DSC3: variants seen among roughly 807,000 people sequenced by gnomAD.
DSC3 encodes the protein desmocollin-3.
In DSC3, 97 loss-of-function variants were observed where a neutral mutation model predicts 89.5. The observed-to-expected ratio is 1.08, with a 90% CI of 0.92 to 1.28. The LOEUF is 1.28. DSC3 is among the 50% of genes most tolerant of loss of function. The probability of loss-of-function intolerance (pLI) is 0.00; values close to 1 mark genes in which losing one functional copy is unlikely to be tolerated. For synonymous variants in DSC3, 436 were observed against 384.1 expected (o/e 1.14, Z -1.58); for missense variants, 1,199 against 1,085.3 (o/e 1.10, Z -1.47).
At chr18:31,033,948 G>T (rs1985887127) in intron 1 of DSC3, among the ~76,000 whole-genome samples, 3 of 151,942 alleles carry the variant, frequency 2.0e-5, no homozygotes, top group South Asian at 4.2e-4. Context: ...CTCAGCCTCC[G>T]GAGTAGCTGG....
intron 9 of DSC3, among the ~76,000 whole-genome samples, chr18:31,013,598 G>A (rs1985140840): frequency 6.6e-6 from 1 of 152,134 alleles, no homozygotes; most frequent in African/African-American, 2.4e-5. Flanking sequence ...GATAAGAAGA[G>A]CAAAACATAG....
At chr18:31,022,067 C>T (rs961090979) in intron 7 of DSC3, among the ~76,000 whole-genome samples, 5 of 151,936 alleles carry the variant, frequency 3.3e-5, no homozygotes, top group African/African-American at 1.2e-4. Context: ...AACCAACTAG[C>T]CACACATAAG....
chr18:31,004,461 A>C, intron 12 of DSC3, 95 bp from the exon 13 acceptor site: 7 of 1,082,156 alleles, frequency 6.5e-6, no homozygotes, highest in African/African-American at 1.6e-5. Context: ...CGTCATTCTC[A>C]AGGAACTGCC....
intron 15 of DSC3, among the ~76,000 whole-genome samples, chr18:30,995,115 C>A (rs912488485): frequency 6.6e-6 from 1 of 152,144 alleles, no homozygotes; most frequent in Non-Finnish European, 1.5e-5. Flanking sequence ...CCACATCTAC[C>A]CTCTCTGCCA....
intron 13 of DSC3, 120 bp from the exon 14 acceptor site, chr18:31,001,859 C>T (rs1984675643): frequency 1.3e-6 from 1 of 786,696 alleles, no homozygotes; most frequent in Non-Finnish European, 1.9e-6. Flanking sequence ...GCATGGTTTC[C>T]CATGAATTAT....
chr18:31,011,723 T>C (rs911197992), intron 9 of DSC3, among the ~76,000 whole-genome samples: 3 of 151,988 alleles, frequency 2.0e-5, no homozygotes, highest in Admixed American at 6.6e-5. Flanking sequence ...CCAGGCACGG[T>C]GGCTCACGTC....
At chr18:31,038,087 C>G (rs986152495) in intron 1 of DSC3, among the ~76,000 whole-genome samples, 7 of 152,126 alleles carry the variant, frequency 4.6e-5, no homozygotes, top group African/African-American at 1.7e-4. Context: ...TCCTGATAAG[C>G]CTTACAAGAA....
rs1984173656 is a variant in DSC3, at chr18:30,989,902, T to A, written c.*4273A>T. 6.7e-6 allele frequency: 1 copy of A among 148,542 alleles called. No individual in the cohort carries two copies. The highest frequency in any genetic ancestry group is 1.5e-5 in the Non-Finnish European group (1 of 67,556). The allele number at this position is 148,542 out of a possible 1,614,324, so 9.2% of individuals were successfully genotyped here. On this transcript the variant is annotated 3_prime_UTR_variant, in exon 16 of 16. Transcript: ENST00000360428. ...TTTACCTATGTAACAAACCTGCACA[T>A]CCTGCACGTGTATCCTGGAACTTAA...
chr18:31,013,424 AC>A (rs1380305991), intron 9 of DSC3, among the ~76,000 whole-genome samples: 1 of 152,140 alleles, frequency 6.6e-6, no homozygotes, highest in Non-Finnish European at 1.5e-5. Context: ...AAATCTCACA[AC>A]CACAGAAGCC....
rs555160159 is a variant in DSC3 at position 31,041,827 on chromosome 18, G to T, written c.69+765C>A. ...TGCTCCGGCCGCGCAGTCCTCCCCGGAGCCGGAGTAAGTACGACGCAACCC... is the reference window on the plus strand; with the variant it reads ...TGCTCCGGCCGCGCAGTCCTCCCCGTAGCCGGAGTAAGTACGACGCAACCC... On this transcript the variant is annotated intron_variant, in intron 1 of 15. Transcript: ENST00000360428. Among the ~76,000 whole-genome samples the T allele has an allele frequency of 3.3e-5, 5 of 152,152 alleles. No homozygotes were observed. In the South Asian group the frequency reaches 1.0e-3, roughly 32 times the overall value.
At chr18:31,015,354 A>C (rs2144704285) in intron 9 of DSC3, among the ~76,000 whole-genome samples, 1 of 152,320 alleles carries the variant, frequency 6.6e-6, no homozygotes, top group Admixed American at 6.5e-5. Context: ...GAAATATTCT[A>C]TGATATAGGT....
chr18:31,002,081 T>C (rs913087087), intron 13 of DSC3, among the ~76,000 whole-genome samples: 1 of 152,132 alleles, frequency 6.6e-6, no homozygotes, highest in Non-Finnish European at 1.5e-5. Context: ...CTAAAAATAA[T>C]TTTCCTACAT....
rs985891390 is a variant in DSC3 at position 30,994,244 on chromosome 18, ATCT to A, written c.2619_2621del (p.Glu873del). On this transcript the variant is annotated inframe_deletion, in exon 16 of 16. Coordinates refer to ENST00000360428, the MANE Select transcript of DSC3 (RefSeq NM_001941.5). The stretch of plus-strand genomic sequence containing the variant: ...CCAAATTATTTAAAAAGTCAAGGCC[ATCT>A]TCTTCCTGCTTTTCACTGCAGCAGC... 4.3e-6 allele frequency: 7 copies of A among 1,613,978 alleles called. No individual in the cohort carries two copies. The Admixed American group carries it at 8.3e-5, about 19-fold the overall frequency.
At chr18:31,032,780 G>A (rs942517294) in intron 1 of DSC3, among the ~76,000 whole-genome samples, 10 of 152,174 alleles carry the variant, frequency 6.6e-5, no homozygotes, top group Middle Eastern at 6.8e-3. Context: ...ATTTTTAGTA[G>A]GGATGGGGTT....
intron 14 of DSC3, among the ~76,000 whole-genome samples, chr18:30,999,148 C>A (rs1027603560): frequency 6.6e-6 from 1 of 152,150 alleles, no homozygotes; most frequent in African/African-American, 2.4e-5. Context: ...GTTTTCATTA[C>A]AAACAGTTAC....
At chr18:31,004,996 A>G (rs1984791519) in intron 12 of DSC3, among the ~76,000 whole-genome samples, 1 of 152,182 alleles carries the variant, frequency 6.6e-6, no homozygotes. Context: ...TTGTCAACTA[A>G]CCAAAAGCTC....
chr18:30,999,169 G>A (rs1468090002), intron 14 of DSC3, among the ~76,000 whole-genome samples: 2 of 152,020 alleles, frequency 1.3e-5, no homozygotes, highest in African/African-American at 4.8e-5. Context: ...ATTACTTTCA[G>A]GACAAGAACC....
chr18:30,998,931 G>A (rs1029895420), intron 14 of DSC3, among the ~76,000 whole-genome samples: 2 of 150,832 alleles, frequency 1.3e-5, no homozygotes, highest in Non-Finnish European at 2.9e-5. Context: ...GAGTATTATA[G>A]AGAAATCAAA....
chr18:30,994,235 G>T lies in DSC3; in HGVS notation c.2631C>A (p.Asp877Glu). Residue 877 changes from aspartate to glutamate, a missense_variant, in exon 16 of 16, where the codon GAC becomes GAA. Asp to Glu is a conservative substitution (Grantham distance 45). Coordinates refer to ENST00000360428, the MANE Select transcript of DSC3 (RefSeq NM_001941.5). ...CSEKQEEDGLDFLNNLEPKFI... is the reference protein window; with the variant it reads ...CSEKQEEDGLEFLNNLEPKFI... Reference sequence around the variant, plus strand: ...ATTTGGGTTCCAAATTATTTAAAAAGTCAAGGCCATCTTCTTCCTGCTTTT... The same window carrying T: ...ATTTGGGTTCCAAATTATTTAAAAATTCAAGGCCATCTTCTTCCTGCTTTT... The T allele has an allele frequency of 1.2e-6, 2 of 1,614,050 alleles. No homozygotes were observed. Among genetic ancestry groups the T allele is most frequent in the Non-Finnish European group, 1.7e-6 (2 of 1,179,988 alleles).
Sources: allele counts gnomAD v4.1 joint callset (sites outside exome capture counted in the v4.1 genomes callset), GRCh38; gene constraint gnomAD v4.1.1; transcripts MANE v1.5; gene names NCBI Gene and HGNC (gene_info 2026-07-23, HGNC 2026-07-21).